PTPRS: variants seen among roughly 807,000 people sequenced by gnomAD.
PTPRS encodes protein tyrosine phosphatase receptor type S.
A neutral mutation model predicts 215.3 loss-of-function variants in PTPRS; 63 were observed. The observed-to-expected ratio is 0.29, with a 90% confidence interval of 0.24 to 0.36. The LOEUF (loss-of-function observed/expected upper bound fraction) is 0.36. PTPRS is among the 10% of genes least tolerant of loss of function. The pLI, the probability that PTPRS is intolerant of heterozygous loss-of-function variation, is 1.00. For synonymous variants in PTPRS, 1,404 were observed against 1,191.4 expected, an observed-to-expected ratio of 1.18 and a Z score of -3.68; for missense variants, 2,258 against 2,825.8, an observed-to-expected ratio of 0.80 and a Z score of 4.56.
At chr19:5,222,262 G>A (rs1208547785) in intron 18 of PTPRS, 42 bp from the exon 19 acceptor site, 2 of 1,536,092 alleles carry the variant, frequency 1.3e-6, no homozygotes, top group Admixed American at 3.3e-5. Flanking sequence ...CAGAAGAGAG[G>A]CCCCATGAGT....
intron 1 of PTPRS, 91 bp from the exon 2 acceptor site, chr19:5,286,325 G>A: frequency 1.6e-6 from 1 of 634,834 alleles, no homozygotes; most frequent in East Asian, 2.8e-5. Flanking sequence ...ATGGAGCAGG[G>A]GAGGGTCCTG....
At chr19:5,252,261 C>T (rs565613573) in intron 9 of PTPRS, among the ~76,000 whole-genome samples, 1 of 152,220 alleles carries the variant, frequency 6.6e-6, no homozygotes, top group East Asian at 1.9e-4. Flanking sequence ...TTGAAGATAT[C>T]CTCAGACCCT....
intron 25 of PTPRS, among the ~76,000 whole-genome samples, chr19:5,218,014 G>C (rs931975907): frequency 1.3e-5 from 2 of 152,100 alleles, no homozygotes; most frequent in African/African-American, 4.8e-5. Flanking sequence ...TATCCCAAGG[G>C]AGTGTGGAAA....
rs536064914 is a variant in PTPRS, at chr19:5,298,564, G to A, written c.-94-12330C>T. ...GGTCTTGCCCATGCCCAAGGCTCCC[G>A]CCTCCTACCTAGCACAGCATTCATG... On this transcript the variant is annotated intron_variant, in intron 1 of 37. Transcript: ENST00000262963. Among the ~76,000 whole-genome samples the A allele has an allele frequency of 2.6e-5, 4 of 152,240 alleles. No individual in the cohort carries two copies. The South Asian group carries it at 8.3e-4, about 32-fold the overall frequency.
At chr19:5,246,335 C>T (rs1025765369) in intron 9 of PTPRS, among the ~76,000 whole-genome samples, 1 of 152,080 alleles carries the variant, frequency 6.6e-6, no homozygotes, top group Non-Finnish European at 1.5e-5. Context: ...AGGTACTTCA[C>T]AAACAATATA....
In PTPRS at chr19:5,218,400, T is replaced by A; in HGVS notation, c.4048+20A>T. 1 of 1,602,316 alleles carries A rather than the reference T, an allele frequency of 6.2e-7. No individual in the cohort carries two copies. The highest frequency in any genetic ancestry group is 8.5e-7 in the Non-Finnish European group (1 of 1,171,696). On this transcript the variant is annotated intron_variant, in intron 25 of 37. Transcript: ENST00000262963. ...TCTCCCCTGTTGGTGGCATCCCTGGTACCAGGGATAAGTACATACCTGGAG... is the reference window on the plus strand; with the variant it reads ...TCTCCCCTGTTGGTGGCATCCCTGGAACCAGGGATAAGTACATACCTGGAG...
intron 1 of PTPRS, among the ~76,000 whole-genome samples, chr19:5,324,914 C>T (rs1258349441): frequency 6.6e-6 from 1 of 152,010 alleles, no homozygotes; most frequent in African/African-American, 2.4e-5. Flanking sequence ...AGCCACATCC[C>T]CAGGAGAGCC....
chr19:5,239,130 GA>G, intron 12 of PTPRS, 67 bp from the exon 13 acceptor site: 1 of 1,018,344 alleles, frequency 9.8e-7, no homozygotes, highest in Non-Finnish European at 1.4e-6. Flanking sequence ...AAACAAAGGG[GA>G]GAGAGAGAGA....
chr19:5,284,250 C>T (rs1190166072), intron 2 of PTPRS, among the ~76,000 whole-genome samples: 1 of 151,588 alleles, frequency 6.6e-6, no homozygotes, highest in African/African-American at 2.4e-5. Flanking sequence ...ATCCCAGCTA[C>T]TCGGGAGGCT....
At chr19:5,211,527 G>A (rs192294702) in intron 33 of PTPRS, 63 bp downstream of exon 33, 139 of 1,508,126 alleles carry the variant, frequency 9.2e-5, no homozygotes, top group Non-Finnish European at 1.2e-4. Context: ...AAGACTGGAG[G>A]CCTCTTGAGA....
intron 5 of PTPRS, 82 bp downstream of exon 5, chr19:5,264,926 C>T: frequency 1.3e-6 from 2 of 1,483,796 alleles, no homozygotes; most frequent in Non-Finnish European, 1.8e-6. Context: ...TCCAGTAGTC[C>T]CCAGAACTTG....
At position 5,231,419 on chromosome 19, in the gene PTPRS, C is replaced by A; in HGVS notation, c.2046G>T (p.Leu682=). 2 of 1,613,220 alleles carry A rather than the reference C, an allele frequency of 1.2e-6. No individual in the cohort carries two copies. Among genetic ancestry groups the A allele is most frequent in the Non-Finnish European group, 1.7e-6 (2 of 1,179,912 alleles). ...GGGTCCACTTCTCCAAGGCCTCCAG[C>A]AGGATCTGAGTGGTGGTCGGGGGGA... ...NGIPPTTTQI[L]LEALEKWTQY... The change falls in exon 14 of 38, where the codon CTG becomes CTT. Residue 682 remains leucine (L), a synonymous_variant. Coordinates refer to ENST00000262963, the MANE Select transcript of PTPRS (RefSeq NM_002850.4).
intron 7 of PTPRS, 98 bp downstream of exon 7, chr19:5,260,707 C>T: frequency 6.8e-7 from 1 of 1,461,286 alleles, no homozygotes; most frequent in Non-Finnish European, 9.5e-7. Context: ...GGTGGACACG[C>T]ATGGAAGGGG....
chr19:5,236,985 A>G lies in PTPRS; in HGVS notation c.1849+1934T>C, dbSNP rs1381830298. ...ATGGTGATGATGATGAGAAAAACTT[A>G]ATAAAAGAAAGAAAGACTCCTTCCA... On this transcript the variant is annotated intron_variant, in intron 13 of 37. Transcript: ENST00000262963. Among the ~76,000 whole-genome samples the G allele has an allele frequency of 2.0e-5, 3 of 152,322 alleles. No homozygotes were observed. The East Asian group carries it at 5.8e-4, about 29-fold the overall frequency.
rs1049287577 is a variant in PTPRS at position 5,227,338 on chromosome 19, A to G, written c.2377-1494T>C. ...AGTGCTGGGATTACAGGCGTGAGCCACTGTGCCTGGCTGAGAGCTGATTTT... is the reference window on the plus strand; with the variant it reads ...AGTGCTGGGATTACAGGCGTGAGCCGCTGTGCCTGGCTGAGAGCTGATTTT... On this transcript the variant is annotated intron_variant, in intron 16 of 37. Transcript: ENST00000262963. Among the ~76,000 whole-genome samples the G allele has an allele frequency of 7.7e-4, 117 of 151,744 alleles. 1 individual carries two copies. Among genetic ancestry groups the G allele is most frequent in the Non-Finnish European group, 2.9e-5 (2 of 67,960 alleles).
In PTPRS at chr19:5,239,043, C is replaced by T. The variant is rs754113026; in HGVS notation, c.1725G>A (p.Pro575=). ...HGREVGRTFD[P]TTSYVVEDLK... is the part of the protein sequence containing the mutation. ...GGTCCTCCACCACGTAGGAAGTCGT[C>T]GGGTCGAAGGTCCTTCCCACCTGGG... is the stretch of plus-strand genomic sequence containing the variant. Residue 575 remains proline (P), a synonymous_variant, in exon 13 of 38, where the codon CCG becomes CCA. Transcript: ENST00000262963. 5.6e-6 allele frequency: 9 copies of T among 1,612,084 alleles called. No homozygotes were observed. The highest frequency in any genetic ancestry group is 1.6e-4 in the Middle Eastern group (1 of 6,078).
intron 9 of PTPRS, among the ~76,000 whole-genome samples, chr19:5,246,336 A>G (rs1213330553): frequency 6.6e-6 from 1 of 152,256 alleles, no homozygotes; most frequent in African/African-American, 2.4e-5. Flanking sequence ...GGTACTTCAC[A>G]AACAATATAT....
intron 1 of PTPRS, among the ~76,000 whole-genome samples, chr19:5,291,242 T>A (rs891308649): frequency 6.6e-6 from 1 of 152,146 alleles, no homozygotes; most frequent in Admixed American, 6.5e-5. Flanking sequence ...TAAAGTCCAC[T>A]GGGTGCCTCT....
At chr19:5,253,639 T>A (rs576710308) in intron 9 of PTPRS, among the ~76,000 whole-genome samples, 1 of 152,194 alleles carries the variant, frequency 6.6e-6, no homozygotes. Context: ...AATGAGATCA[T>A]GAGATGAGCT....
Sources: allele counts gnomAD v4.1 joint callset (sites outside exome capture counted in the v4.1 genomes callset), GRCh38; gene constraint gnomAD v4.1.1; transcripts MANE v1.5; gene names NCBI Gene and HGNC (gene_info 2026-07-23, HGNC 2026-07-21).